The following SLC24A3 variants were observed in gnomAD, a reference collection of about 807,000 sequenced individuals.
SLC24A3 encodes solute carrier family 24 member 3, also known as sodium/potassium/calcium exchanger 3.
SLC24A3 carries 28 observed loss-of-function variants against 75.8 expected under a neutral mutation model. The ratio of observed to expected loss-of-function variants is 0.37; its 90% CI spans 0.27 to 0.51. The LOEUF is 0.51. Among genes scored for constraint, SLC24A3 ranks in the 20% least tolerant of loss-of-function variants. The probability of loss-of-function intolerance (pLI) is 0.94; values close to 1 mark genes in which losing one functional copy is unlikely to be tolerated. For missense variants in SLC24A3, 663 were observed against 847.8 expected, an observed-to-expected ratio of 0.78 and a Z score of 2.71; for synonymous variants, 372 against 334.1, an observed-to-expected ratio of 1.11 and a Z score of -1.24.
chr20:19,344,801 A>G (rs553068012), intron 2 of SLC24A3, among the ~76,000 whole-genome samples: 9 of 152,248 alleles, frequency 5.9e-5, no homozygotes, highest in Non-Finnish European at 1.2e-4. Context: ...GAAAGCTCCC[A>G]GACAAGGAAG....
rs1985402984 is a variant in SLC24A3 at position 19,346,144 on chromosome 20, T to TATATATATATG, written c.271+65057_271+65058insATATATATATG. Among the ~76,000 whole-genome samples the TATATATATATG allele has an allele frequency of 3.6e-5, 3 of 83,418 alleles. 1 individual carries two copies. Among genetic ancestry groups the TATATATATATG allele is most frequent in the Admixed American group, 3.0e-4 (2 of 6,748 alleles). The allele number at this position is 83,418 out of a possible 152,430, so 54.7% of individuals were successfully genotyped here. On this transcript the variant is annotated intron_variant, in intron 2 of 16. Coordinates refer to ENST00000328041, the MANE Select transcript of SLC24A3 (RefSeq NM_020689.4). ...TGTGTGTATATATATATATGGTGTG[T>TATATATATATG]GTATATATATATGGTGTATATATAT...
chr20:19,387,214 G>A (rs941752788), intron 2 of SLC24A3, among the ~76,000 whole-genome samples: 10 of 151,656 alleles, frequency 6.6e-5, no homozygotes, highest in Non-Finnish European at 1.5e-4. Context: ...TTATAATTTT[G>A]TTTATTTGAA....
At chr20:19,414,863 C>G (rs1393034187) in intron 2 of SLC24A3, among the ~76,000 whole-genome samples, 1 of 152,174 alleles carries the variant, frequency 6.6e-6, no homozygotes, top group African/African-American at 2.4e-5. Context: ...GTTTCCCTTT[C>G]TGCCTTGGCT....
At chr20:19,681,155 C>T (rs1401793069) in intron 9 of SLC24A3, among the ~76,000 whole-genome samples, 1 of 152,190 alleles carries the variant, frequency 6.6e-6, no homozygotes, top group Non-Finnish European at 1.5e-5. Context: ...AAGCTTCTTC[C>T]CTTCCCACCT....
chr20:19,324,945 G>A (rs1984803720), intron 2 of SLC24A3, among the ~76,000 whole-genome samples: 1 of 150,714 alleles, frequency 6.6e-6, no homozygotes, highest in Non-Finnish European at 1.5e-5. Flanking sequence ...CGTTACCCTG[G>A]CAGTTGACAT....
intron 2 of SLC24A3, among the ~76,000 whole-genome samples, chr20:19,447,261 G>C (rs1448445187): frequency 1.3e-5 from 2 of 152,174 alleles, no homozygotes; most frequent in Non-Finnish European, 2.9e-5. Flanking sequence ...AATGTAGTCA[G>C]TTCTCAATGC....
At chr20:19,642,002 T>C (rs895483805) in intron 6 of SLC24A3, among the ~76,000 whole-genome samples, 4 of 152,200 alleles carry the variant, frequency 2.6e-5, no homozygotes, top group African/African-American at 9.7e-5. Context: ...CGTAGTCCTA[T>C]CACTTTCAAA....
chr20:19,442,532 T>G (rs1987313749), intron 2 of SLC24A3, among the ~76,000 whole-genome samples: 2 of 152,200 alleles, frequency 1.3e-5, no homozygotes, highest in Non-Finnish European at 2.9e-5. Context: ...TGTTCAGATC[T>G]TTTGCTCACT....
intron 2 of SLC24A3, among the ~76,000 whole-genome samples, chr20:19,432,335 T>A (rs1462317486): frequency 1.3e-5 from 2 of 149,622 alleles, no homozygotes; most frequent in Non-Finnish European, 3.0e-5. Flanking sequence ...TAATAAACAA[T>A]TTTCAGAGTC....
chr20:19,484,359 G>A (rs1437386623), intron 2 of SLC24A3, among the ~76,000 whole-genome samples: 3 of 152,088 alleles, frequency 2.0e-5, no homozygotes, highest in Admixed American at 6.6e-5. Context: ...TTTTGACTGC[G>A]ACCTGTCACA....
intron 2 of SLC24A3, among the ~76,000 whole-genome samples, chr20:19,314,273 A>T (rs893042614): frequency 2.4e-5 from 3 of 123,534 alleles, no homozygotes; most frequent in African/African-American, 8.1e-5. Context: ...TTTTGTTTTT[A>T]TTTATTTATT....
intron 15 of SLC24A3, among the ~76,000 whole-genome samples, chr20:19,701,647 G>T (rs190913477): frequency 1.3e-5 from 2 of 152,260 alleles, no homozygotes; most frequent in East Asian, 3.9e-4. Flanking sequence ...CTGCATGCAG[G>T]GGTCTGATGA....
chr20:19,298,610 G>A lies in SLC24A3; in HGVS notation c.271+17523G>A, dbSNP rs147316963. ...GAAGGAAAGATGAAGCTCAAAACAG[G>A]TCAAAAAAGAAAGAAAAAGAAAAAA... On this transcript the variant is annotated intron_variant, in intron 2 of 16. Coordinates refer to ENST00000328041, the MANE Select transcript of SLC24A3 (RefSeq NM_020689.4). Among the ~76,000 whole-genome samples, 10 of 151,124 alleles carry A rather than the reference G, an allele frequency of 6.6e-5. No individual in the cohort carries two copies. In the East Asian group the frequency reaches 1.9e-3, roughly 29 times the overall value.
intron 2 of SLC24A3, among the ~76,000 whole-genome samples, chr20:19,428,169 G>T (rs1362454595): frequency 6.6e-6 from 1 of 152,196 alleles, no homozygotes; most frequent in Non-Finnish European, 1.5e-5. Context: ...GCATGAGCCC[G>T]GTCTGGTTGT....
chr20:19,359,270 G>A (rs1985744212), intron 2 of SLC24A3, among the ~76,000 whole-genome samples: 1 of 152,208 alleles, frequency 6.6e-6, no homozygotes, highest in South Asian at 2.1e-4. Context: ...AAAAGTTCTT[G>A]TTCTTTCAAA....
intron 3 of SLC24A3, among the ~76,000 whole-genome samples, chr20:19,577,304 C>T (rs6046187): frequency 1.3e-5 from 2 of 152,186 alleles, no homozygotes; most frequent in Non-Finnish European, 2.9e-5. Context: ...ATCTGCCCGC[C>T]TCGGCCTCCC....
At chr20:19,550,471 A>G (rs568758646) in intron 3 of SLC24A3, among the ~76,000 whole-genome samples, 9 of 152,310 alleles carry the variant, frequency 5.9e-5, no homozygotes, top group African/African-American at 2.2e-4. Context: ...ACACTCAGAA[A>G]TTAAAAAGAA....
At chr20:19,692,805 C>CGCT (rs1568700281) in intron 12 of SLC24A3, among the ~76,000 whole-genome samples, 1 of 152,168 alleles carries the variant, frequency 6.6e-6, no homozygotes, top group Non-Finnish European at 1.5e-5. Flanking sequence ...CACCAGGTGG[C>CGCT]GCTGCGTCCG....
intron 3 of SLC24A3, among the ~76,000 whole-genome samples, chr20:19,576,619 AAC>A (rs998199056): frequency 6.6e-6 from 1 of 152,180 alleles, no homozygotes; most frequent in Non-Finnish European, 1.5e-5. Flanking sequence ...CACGAGAACT[AAC>A]ACAGCTTTTG....
Sources: gnomAD v4.1 joint callset for allele counts (sites outside exome capture counted in the v4.1 genomes callset) on GRCh38, gnomAD v4.1.1 for gene constraint, MANE v1.5 for transcripts, NCBI Gene and HGNC (gene_info 2026-07-23, HGNC 2026-07-21) for gene names.